SLC7A9: variants seen among roughly 807,000 people sequenced by gnomAD.
SLC7A9 encodes the protein solute carrier family 7 member 9.
A neutral mutation model predicts 54.1 loss-of-function variants in SLC7A9; 38 were observed. That is an observed-to-expected ratio of 0.70 (90% CI 0.54 to 0.92). SLC7A9 has a LOEUF of 0.92. Among genes scored for constraint, SLC7A9 ranks in the 40% least tolerant of loss-of-function variants. SLC7A9 has a pLI of 0.00. For synonymous variants in SLC7A9, 264 were observed against 258.9 expected (o/e 1.02, Z -0.19); for missense variants, 537 against 636.1 (o/e 0.84, Z 1.68).
At chr19:32,836,709 G>A (rs1967968502) in intron 11 of SLC7A9, among the ~76,000 whole-genome samples, 1 of 152,136 alleles carries the variant, frequency 6.6e-6, no homozygotes, top group Non-Finnish European at 1.5e-5. Context: ...GTGTTTTCCA[G>A]TCACCTGTTA....
chr19:32,842,895 A>C (rs1353854227), intron 10 of SLC7A9, among the ~76,000 whole-genome samples: 1 of 152,218 alleles, frequency 6.6e-6, no homozygotes, highest in Non-Finnish European at 1.5e-5. Context: ...TTCATAATTA[A>C]GAATTTTCCA....
At chr19:32,868,294 C>T (rs905803765) in intron 2 of SLC7A9, among the ~76,000 whole-genome samples, 154 bp downstream of exon 2, 1 of 151,568 alleles carries the variant, frequency 6.6e-6, no homozygotes, top group African/African-American at 2.4e-5. Context: ...GAAGTAAGTC[C>T]AGAGATTATC....
chr19:32,853,690 G>T (rs1968533207), intron 9 of SLC7A9, among the ~76,000 whole-genome samples: 1 of 152,110 alleles, frequency 6.6e-6, no homozygotes, highest in South Asian at 2.1e-4. Context: ...GCTGAGGCAG[G>T]TGGATCACTT....
rs1413724198 is a variant in SLC7A9 at position 32,864,221 on chromosome 19, A to G, written c.353T>C (p.Ile118Thr). 2 of 1,614,076 alleles carry G rather than the reference A, an allele frequency of 1.2e-6. No individual in the cohort carries two copies. The highest frequency in any genetic ancestry group is 1.7e-6 in the Non-Finnish European group (2 of 1,180,026). Residue 118 changes from isoleucine to threonine, a missense_variant, in exon 4 of 13, where the codon ATC becomes ACC. Coordinates refer to ENST00000023064, the MANE Select transcript of SLC7A9 (RefSeq NM_014270.5). ...PAYLFSWASL[I>T]VIKPTSFAII... ...GGCGAAGGACGTGGGCTTAATGACGATCAGGCTGGCCCAGGAGAAGAGGTA... is the reference window on the plus strand; with the variant it reads ...GGCGAAGGACGTGGGCTTAATGACGGTCAGGCTGGCCCAGGAGAAGAGGTA...
chr19:32,840,769 C>T (rs1968105152), intron 11 of SLC7A9, among the ~76,000 whole-genome samples: 1 of 152,156 alleles, frequency 6.6e-6, no homozygotes, highest in South Asian at 2.1e-4. Flanking sequence ...TGCTCCTCCA[C>T]CTCCCCTGGG....
Position 32,868,324 on chromosome 19 carries a change from C to A in SLC7A9, c.87+124G>T. 4 of 719,458 alleles carry A rather than the reference C, an allele frequency of 5.6e-6. No individual in the cohort carries two copies. The East Asian group carries it at 8.1e-5, about 15-fold the overall frequency. The allele number at this position is 719,458 out of a possible 1,614,324, so 44.6% of individuals were successfully genotyped here. On this transcript the variant is annotated intron_variant, in intron 2 of 12. Transcript: ENST00000023064. ...ATTATCCCTTTAAAGATGTACTTCA[C>A]AAATCAAAGAGTACATCTTCTGCCG...
In SLC7A9 at chr19:32,866,486, G is replaced by A. The variant is rs183198902; in HGVS notation, c.88-1710C>T. 1.5e-3 allele frequency among the ~76,000 whole-genome samples: 223 copies of A among 152,256 alleles called. 1 individual carries two copies. Among genetic ancestry groups the A allele is most frequent in the African/African-American group, 5.2e-3 (214 of 41,536 alleles). On this transcript the variant is annotated intron_variant, in intron 2 of 12. Transcript: ENST00000023064. The stretch of plus-strand genomic sequence containing the variant: ...TCACCCAGGCTTGGAGTGCAATGGC[G>A]CGATCATGACTCACTGCAGCCTCGA...
At chr19:32,855,521 A>T (rs1439829974) in intron 9 of SLC7A9, among the ~76,000 whole-genome samples, 1 of 152,102 alleles carries the variant, frequency 6.6e-6, no homozygotes, top group Non-Finnish European at 1.5e-5. Context: ...AACACGGTGA[A>T]ACCCCATCTC....
Position 32,862,155 on chromosome 19 carries a change from G to T in SLC7A9, c.667C>A (p.Leu223Met), listed in dbSNP as rs1007160. The change falls in exon 6 of 13, where the codon CTG becomes ATG. Residue 223 changes from leucine to methionine, a missense_variant. Physicochemically the swap from Leu to Met is conservative, Grantham distance 15. Transcript: ENST00000023064. ...GAQLSVGAIS[L>M]AFYNGLWAYD... ...GCCCAGAGTCCATTGTAAAACGCCA[G>T]GCTGATGGCTCCCACAGACAGCTGG... 518,484 of 1,609,338 alleles carry T rather than the reference G, an allele frequency of 0.32. 85,853 individuals are homozygous for T. Among genetic ancestry groups the T allele is most frequent in the Middle Eastern group, 0.35 (2,089 of 5,976 alleles).
chr19:32,846,182 G>A (rs1366130876), intron 9 of SLC7A9, among the ~76,000 whole-genome samples: 1 of 152,200 alleles, frequency 6.6e-6, no homozygotes, highest in Non-Finnish European at 1.5e-5. Context: ...AGGACAGTGG[G>A]TGCAGCACAC....
intron 11 of SLC7A9, among the ~76,000 whole-genome samples, chr19:32,833,854 C>T (rs957563602): frequency 2.6e-5 from 4 of 152,176 alleles, no homozygotes; most frequent in East Asian, 1.9e-4. Flanking sequence ...CACTGATGAT[C>T]GTTGCCTTCA....
intron 7 of SLC7A9, chr19:32,860,348 G>A (rs1968762131): frequency 2.2e-6 from 3 of 1,365,398 alleles, no homozygotes; most frequent in Admixed American, 5.9e-5. Context: ...CTTGAGGTTG[G>A]GAGTTCAAGA....
chr19:32,858,694 A>G, intron 8 of SLC7A9, 151 bp from the exon 9 acceptor site: 1 of 668,496 alleles, frequency 1.5e-6, no homozygotes. Context: ...AGGAGAGAGG[A>G]GAACGCCACT....
chr19:32,834,326 C>T (rs1967892652), intron 11 of SLC7A9, among the ~76,000 whole-genome samples: 1 of 152,238 alleles, frequency 6.6e-6, no homozygotes, highest in African/African-American at 2.4e-5. Context: ...CAGGAAATGG[C>T]ATTTAAAGAC....
rs764694418 is a variant in SLC7A9, at chr19:32,868,518, AG to A, written c.16del (p.Leu6Ter). 1 of 1,613,448 alleles carries A rather than the reference AG, an allele frequency of 6.2e-7. No homozygotes were observed. Among genetic ancestry groups the A allele is most frequent in the Non-Finnish European group, 8.5e-7 (1 of 1,179,424 alleles). ...CTTCTCATCCTCTCTCCGCTTTCTCAGGCCAGTATCCCCCATGTTTCCTCCT... is the reference window on the plus strand; with the variant it reads ...CTTCTCATCCTCTCTCCGCTTTCTCAGCCAGTATCCCCCATGTTTCCTCCT... MGDTG[L>X]RKRREDEKSI... On this transcript the variant is annotated frameshift_variant, in exon 2 of 13. Transcript: ENST00000023064. LOFTEE classifies it high-confidence loss of function.
At position 32,833,326 on chromosome 19, in the gene SLC7A9, G is replaced by T; in HGVS notation, c.1225-3C>A. The T allele has an allele frequency of 6.2e-7, 1 of 1,614,080 alleles. No individual in the cohort carries two copies. Among genetic ancestry groups the T allele is most frequent in the Non-Finnish European group, 8.5e-7 (1 of 1,179,984 alleles). ...AAGACGGGAATGACTACGGGCACCT[G>T]GAGACGAAAAACAGGTCATGGGTAC... On this transcript the variant is annotated splice_polypyrimidine_tract_variant and splice_region_variant and intron_variant, in intron 11 of 12. Transcript: ENST00000023064.
At chr19:32,845,333 A>C (rs1968255558) in intron 9 of SLC7A9, among the ~76,000 whole-genome samples, 1 of 152,088 alleles carries the variant, frequency 6.6e-6, no homozygotes, top group Middle Eastern at 3.4e-3. Context: ...CGTCTTTACT[A>C]AAAATACAAA....
chr19:32,855,140 C>T (rs73036823), intron 9 of SLC7A9, among the ~76,000 whole-genome samples: 20,403 of 152,186 alleles, frequency 0.13, 1,390 homozygotes, highest in Middle Eastern at 0.15. Flanking sequence ...ATTCTGTCAT[C>T]TTTTGACAAC....
rs781313899 is a variant in SLC7A9, at chr19:32,868,440, C to G, written c.87+8G>C. ...GCAAAGGGCCTGCCCCACCAGAGAC[C>G]GCCTTACCTCCTTTTGGAGACTGGT... On this transcript the variant is annotated splice_region_variant and intron_variant, in intron 2 of 12. Transcript: ENST00000023064. 6.2e-7 allele frequency: 1 copy of G among 1,612,748 alleles called. No homozygotes were observed. The highest frequency in any genetic ancestry group is 8.5e-7 in the Non-Finnish European group (1 of 1,178,950).
Sources: allele counts gnomAD v4.1 joint callset (sites outside exome capture counted in the v4.1 genomes callset), GRCh38; gene constraint gnomAD v4.1.1; transcripts MANE v1.5; gene names NCBI Gene and HGNC (gene_info 2026-07-23, HGNC 2026-07-21).